The following HARBI1 variants were observed in gnomAD, a reference collection of about 807,000 sequenced individuals.
The protein encoded by HARBI1 is putative nuclease HARBI1.
A neutral mutation model predicts 25.3 loss-of-function variants in HARBI1; 15 were observed. That is an observed-to-expected ratio of 0.59 (90% confidence interval 0.40 to 0.91). HARBI1 has a LOEUF of 0.91. Ranked by LOEUF, HARBI1 falls within the 40% of genes least tolerant of loss-of-function variation. The pLI is 0.00. For synonymous variants in HARBI1, 168 were observed against 160.5 expected (o/e 1.05, Z -0.35); for missense variants, 396 against 445.8 (o/e 0.89, Z 1.01).
intron 1 of HARBI1, chr11:46,616,641 G>A: frequency 1.5e-5 from 15 of 1,005,348 alleles, no homozygotes; most frequent in Non-Finnish European, 1.8e-5. Context: ...TGGAGGTGAT[G>A]ACATAATTAT....
chr11:46,612,286 C>T (rs2045212870), intron 2 of HARBI1, among the ~76,000 whole-genome samples: 2 of 151,660 alleles, frequency 1.3e-5, no homozygotes, highest in Admixed American at 1.3e-4. Flanking sequence ...GACCCAATCT[C>T]AAAAAAACAA....
intron 1 of HARBI1, chr11:46,616,798 G>T (rs1352210541): frequency 2.6e-5 from 23 of 877,218 alleles, no homozygotes; most frequent in Non-Finnish European, 3.1e-5. Context: ...AGATGCTGGG[G>T]TGTTCAAACC....
Position 46,603,360 on chromosome 11 carries a change from C to G in HARBI1, c.*170G>C. The G allele has an allele frequency of 1.6e-6, 1 of 617,262 alleles. No individual in the cohort carries two copies. The highest frequency in any genetic ancestry group is 2.8e-6 in the Non-Finnish European group (1 of 361,106). The allele number at this position is 617,262 out of a possible 1,614,324, so 38.2% of individuals were successfully genotyped here. ...TTAATTAATGCATATGCAAATGAAT[C>G]AAGATATTCTGGCATAGCCCCAACC... On this transcript the variant is annotated 3_prime_UTR_variant, in exon 3 of 3. Transcript: ENST00000326737.
intron 2 of HARBI1, among the ~76,000 whole-genome samples, chr11:46,605,509 T>G (rs1033750551): frequency 6.6e-6 from 1 of 151,706 alleles, no homozygotes; most frequent in African/African-American, 2.4e-5. Context: ...CATTTCTGGA[T>G]TAACTGTAAA....
intron 2 of HARBI1, among the ~76,000 whole-genome samples, chr11:46,610,145 G>A (rs894049085): frequency 3.3e-5 from 5 of 151,188 alleles, no homozygotes; most frequent in Middle Eastern, 3.2e-3. Context: ...GAGTCACAGC[G>A]CCCAGCCAAA....
Position 46,603,668 on chromosome 11 carries a change from C to T in HARBI1, c.912G>A (p.Glu304=), listed in dbSNP as rs1166732382. Residue 304 remains glutamate (E), a synonymous_variant, in exon 3 of 3, where the codon GAG becomes GAA. Coordinates refer to ENST00000326737, the MANE Select transcript of HARBI1 (RefSeq NM_173811.4). ...ACCVLHNISL[E]HGMDVWSSPM... ...GAGAGGACCAAACATCCATCCCATG[C>T]TCCAGGGAGATGTTGTGGAGGACAC... The T allele has an allele frequency of 1.7e-5, 28 of 1,614,048 alleles. No homozygotes were observed. The highest frequency in any genetic ancestry group is 2.2e-5 in the Non-Finnish European group (26 of 1,180,032).
At chr11:46,610,179 G>A (rs2045118874) in intron 2 of HARBI1, among the ~76,000 whole-genome samples, 1 of 151,806 alleles carries the variant, frequency 6.6e-6, no homozygotes, top group African/African-American at 2.4e-5. Context: ...AATTAGCCAG[G>A]CATGATGGCA....
At position 46,615,987 on chromosome 11, in the gene HARBI1, G is replaced by C. The variant is rs1293031229; in HGVS notation, c.251C>G (p.Ser84Cys). ...GGCATCTCCCATCCGAGTCTGGAAG[G>C]AACCTGAGGTATAAAAACCCAATGC... is the stretch of plus-strand genomic sequence containing the variant. The part of the protein sequence containing the change: ...LAALGFYTSG[S>C]FQTRMGDAIG... Residue 84 changes from serine to cysteine, a missense_variant, in exon 2 of 3, where the codon TCC becomes TGC. Transcript: ENST00000326737. The C allele has an allele frequency of 3.1e-6, 5 of 1,614,080 alleles. No homozygotes were observed. In the Admixed American group the frequency reaches 6.7e-5, roughly 22 times the overall value.
intron 1 of HARBI1, 150 bp downstream of exon 1, chr11:46,616,974 A>C: frequency 1.0e-6 from 1 of 985,390 alleles, no homozygotes; most frequent in African/African-American, 1.7e-5. Context: ...GGAAGTACGG[A>C]AGACCAGACA....
At position 46,612,550 on chromosome 11, in the gene HARBI1, T is replaced by A. The variant is rs77916215; in HGVS notation, c.670+3018A>T. The stretch of plus-strand genomic sequence containing the variant: ...TTCTACTCATAACAGTAAGCCAGTC[T>A]TTCCAATGGAACTCGGGCAGATCTG... On this transcript the variant is annotated intron_variant, in intron 2 of 2. Transcript: ENST00000326737. Among the ~76,000 whole-genome samples the A allele has an allele frequency of 3.8e-3, 575 of 152,304 alleles. 20 individuals are homozygous for A. The South Asian group carries it at 0.074, about 20-fold the overall frequency.
In HARBI1 at chr11:46,616,385, T is replaced by C. The variant is rs1466104817; in HGVS notation, c.-144-4A>G. 5 of 1,432,982 alleles carry C rather than the reference T, an allele frequency of 3.5e-6. No homozygotes were observed. Among genetic ancestry groups the C allele is most frequent in the South Asian group, 1.5e-5 (1 of 64,992 alleles). 88.8% of individuals were successfully genotyped at this position (1,432,982 alleles called of 1,614,324 possible). A position where few individuals can be genotyped will look rare whatever the true frequency, so the allele number is the denominator to read the frequency against. On this transcript the variant is annotated splice_region_variant and splice_polypyrimidine_tract_variant and intron_variant, in intron 1 of 2. Coordinates refer to ENST00000326737, the MANE Select transcript of HARBI1 (RefSeq NM_173811.4). ...TCTGCCATTTATAATCTTCTCTCTG[T>C]AAATGTTAAAAGAAAAAACATTAGG...
rs2135411698 is a variant in HARBI1 at position 46,615,621 on chromosome 11, G to A, written c.617C>T (p.Ser206Phe). 1 of 1,614,238 alleles carries A rather than the reference G, an allele frequency of 6.2e-7. No homozygotes were observed. Among genetic ancestry groups the A allele is most frequent in the Non-Finnish European group, 8.5e-7 (1 of 1,180,054 alleles). Residue 206 changes from serine to phenylalanine, a missense_variant, in exon 2 of 3, where the codon TCT becomes TTT. Physicochemically the swap from Ser to Phe is radical, Grantham distance 155 (BLOSUM62 -2). Coordinates refer to ENST00000326737, the MANE Select transcript of HARBI1 (RefSeq NM_173811.4). ...SLQDCAVLQQSSLSSQFEAGM... is the reference protein window; with the variant it reads ...SLQDCAVLQQFSLSSQFEAGM... ...CGCTTCAAACTGACTACTGAGGGAA[G>A]ACTGCTGCAGCACAGCACAGTCCTG... is the stretch of plus-strand genomic sequence containing the variant.
At chr11:46,613,706 C>T (rs184892243) in intron 2 of HARBI1, among the ~76,000 whole-genome samples, 292 of 152,176 alleles carry the variant, frequency 1.9e-3, no homozygotes, top group Middle Eastern at 6.8e-3. Context: ...TGGTCTTGAA[C>T]GCCTGACCTC....
chr11:46,615,872 T>C lies in HARBI1; in HGVS notation c.366A>G (p.Pro122=). 1 of 1,614,166 alleles carries C rather than the reference T, an allele frequency of 6.2e-7. No homozygotes were observed. The highest frequency in any genetic ancestry group is 1.1e-5 in the South Asian group (1 of 91,086). The part of the protein sequence containing the change: ...VERASQFIRF[P]ADEASIQALK... ...GAGCCTGAATGGAGGCTTCATCAGC[T>C]GGAAAGCGAATGAACTGTGAGGCCC... Residue 122 remains proline, a synonymous_variant, in exon 2 of 3, where the codon CCA becomes CCG. Transcript: ENST00000326737.
intron 2 of HARBI1, among the ~76,000 whole-genome samples, chr11:46,614,759 A>G (rs1044832824): frequency 2.0e-5 from 3 of 152,108 alleles, no homozygotes; most frequent in Non-Finnish European, 4.4e-5. Context: ...TGGCTCTAAC[A>G]GTATGCTTTA....
At chr11:46,612,397 A>G (rs1479240231) in intron 2 of HARBI1, among the ~76,000 whole-genome samples, 2 of 151,078 alleles carry the variant, frequency 1.3e-5, no homozygotes, top group East Asian at 1.9e-4. Context: ...TAGCACATTA[A>G]AAAAAAAACA....
chr11:46,609,456 C>A (rs2045088243), intron 2 of HARBI1, among the ~76,000 whole-genome samples: 1 of 152,108 alleles, frequency 6.6e-6, no homozygotes, highest in Non-Finnish European at 1.5e-5. Flanking sequence ...AAGCAATTCT[C>A]CTGCATCAGC....
chr11:46,612,622 A>G (rs904670328), intron 2 of HARBI1, among the ~76,000 whole-genome samples: 11 of 152,094 alleles, frequency 7.2e-5, no homozygotes, highest in Non-Finnish European at 1.6e-4. Context: ...ATTGTCTACT[A>G]TCATTTTTAT....
At chr11:46,613,607 C>T (rs1366399562) in intron 2 of HARBI1, among the ~76,000 whole-genome samples, 6 of 151,586 alleles carry the variant, frequency 4.0e-5, no homozygotes, top group African/African-American at 1.5e-4. Context: ...CTCAGCCTCC[C>T]AAGTAGCTGG....
Sources: allele counts gnomAD v4.1 joint callset (sites outside exome capture counted in the v4.1 genomes callset), GRCh38; gene constraint gnomAD v4.1.1; transcripts MANE v1.5; gene names NCBI Gene and HGNC (gene_info 2026-07-23, HGNC 2026-07-21).